The following NRG2 variants were observed in gnomAD, a reference collection of about 807,000 sequenced individuals.
The protein encoded by NRG2 is neuregulin 2.
In NRG2, 27 loss-of-function variants were observed where a neutral mutation model predicts 73.9. That is an observed-to-expected ratio of 0.37 (90% CI 0.27 to 0.50). The LOEUF is 0.50. NRG2 is among the 20% of genes least tolerant of loss of function. The probability of loss-of-function intolerance (pLI) is 0.96; values close to 1 mark genes in which losing one functional copy is unlikely to be tolerated. For missense variants in NRG2, 1,126 were observed against 1,210.1 expected (o/e 0.93, Z 1.03); for synonymous variants, 532 against 541.0 (o/e 0.98, Z 0.23).
intron 1 of NRG2, among the ~76,000 whole-genome samples, chr5:139,945,883 G>A (rs1211441001): frequency 2.0e-5 from 3 of 152,008 alleles, no homozygotes; most frequent in Non-Finnish European, 4.4e-5. Flanking sequence ...AAAGAGTAAT[G>A]TAACTAGGAA....
chr5:139,908,049 A>G (rs73791232), intron 1 of NRG2, among the ~76,000 whole-genome samples: 5,559 of 152,330 alleles, frequency 0.036, 361 homozygotes, highest in African/African-American at 0.13. Context: ...GCTAGGAGTA[A>G]CGAGTCTTCT....
chr5:139,867,834 G>GTGTC (rs1762585337), intron 4 of NRG2, among the ~76,000 whole-genome samples: 1 of 150,410 alleles, frequency 6.6e-6, no homozygotes, highest in Non-Finnish European at 1.5e-5. Context: ...GTGTGTGTGT[G>GTGTC]TGACAGAGAG....
At chr5:139,999,689 A>C (rs1283795643) in intron 1 of NRG2, among the ~76,000 whole-genome samples, 2 of 152,246 alleles carry the variant, frequency 1.3e-5, no homozygotes, top group Non-Finnish European at 2.9e-5. Context: ...CCCTCCTGGA[A>C]GAACAGTCTT....
Position 139,880,553 on chromosome 5 carries a change from C to T in NRG2, c.991+303G>A, listed in dbSNP as rs578210141. On this transcript the variant is annotated intron_variant, in intron 3 of 9. Coordinates refer to ENST00000361474, the MANE Select transcript of NRG2 (RefSeq NM_004883.3). ...AGCCCCACTCCTGGCAGCCCAGCCT[C>T]CTATAATTGCCTTCTAAAAATATCC... Among the ~76,000 whole-genome samples the T allele has an allele frequency of 9.2e-4, 140 of 152,330 alleles. 1 individual carries two copies. Among genetic ancestry groups the T allele is most frequent in the Admixed American group, 3.0e-3 (46 of 15,310 alleles).
At chr5:140,012,336 T>A (rs1349470564) in intron 1 of NRG2, among the ~76,000 whole-genome samples, 2 of 152,218 alleles carry the variant, frequency 1.3e-5, no homozygotes, top group Non-Finnish European at 2.9e-5. Context: ...GACTTGCTTA[T>A]CTTCTGGGCT....
intron 1 of NRG2, among the ~76,000 whole-genome samples, chr5:140,019,220 A>T (rs1455705434): frequency 3.3e-5 from 5 of 152,220 alleles, no homozygotes; most frequent in Non-Finnish European, 5.9e-5. Context: ...ATTGACCTGA[A>T]TCAGAAGCCA....
chr5:139,878,052 G>C (rs1244585771), intron 3 of NRG2, among the ~76,000 whole-genome samples: 1 of 152,226 alleles, frequency 6.6e-6, no homozygotes, highest in Non-Finnish European at 1.5e-5. Context: ...TGTGGGAGGG[G>C]ACTGCAGCTT....
At chr5:139,959,986 G>A (rs1191599696) in intron 1 of NRG2, among the ~76,000 whole-genome samples, 1 of 152,172 alleles carries the variant, frequency 6.6e-6, no homozygotes, top group Non-Finnish European at 1.5e-5. Context: ...CCTGGGTCCT[G>A]GGCTCTGATA....
intron 1 of NRG2, among the ~76,000 whole-genome samples, chr5:139,916,644 C>T (rs1044359093): frequency 2.6e-5 from 4 of 152,170 alleles, no homozygotes; most frequent in African/African-American, 7.2e-5. Flanking sequence ...TGGAATCATA[C>T]AATCTGTGGC....
intron 1 of NRG2, among the ~76,000 whole-genome samples, chr5:139,971,853 T>C (rs1755996131): frequency 6.6e-6 from 1 of 152,152 alleles, no homozygotes; most frequent in Non-Finnish European, 1.5e-5. Flanking sequence ...TTTAACAGCA[T>C]TCCAAACTAA....
intron 1 of NRG2, among the ~76,000 whole-genome samples, chr5:139,932,410 AT>A (rs572672788): frequency 0.016 from 2,284 of 146,526 alleles, 43 homozygotes; most frequent in African/African-American, 0.049. Flanking sequence ...TTATTAGTAG[AT>A]TTTTTTTTTT....
Position 140,043,159 on chromosome 5 carries a change from A to C in NRG2, c.-90T>G. The C allele has an allele frequency of 6.9e-7, 1 of 1,447,342 alleles. No individual in the cohort carries two copies. The highest frequency in any genetic ancestry group is 9.3e-7 in the Non-Finnish European group (1 of 1,081,058). 89.7% of individuals were successfully genotyped at this position (1,447,342 alleles called of 1,614,324 possible). On this transcript the variant is annotated 5_prime_UTR_variant, in exon 1 of 10. Coordinates refer to ENST00000361474, the MANE Select transcript of NRG2 (RefSeq NM_004883.3). The surrounding 1 kb of genome is among the most constrained non-coding windows in gnomAD (Gnocchi z 6.7). ...CCGCTGGAAAACCGGAAACAGCGTA[A>C]CGTTAGCGCCTCTTAGCCCTCCACC...
chr5:139,958,333 A>AAAAATGGCGAGCT (rs1754793116), intron 1 of NRG2, among the ~76,000 whole-genome samples: 1 of 152,170 alleles, frequency 6.6e-6, no homozygotes. Flanking sequence ...GCAAACAGGA[A>AAAAATGGCGAGCT]AAAATGGCGA....
Position 140,031,911 on chromosome 5 carries a change from A to G in NRG2, c.700+10459T>C, listed in dbSNP as rs559364425. ...CCTACCCAATACTTCAGCCAAGCAG[A>G]CATGGCAGAAAATGCCTCATTTCAA... On this transcript the variant is annotated intron_variant, in intron 1 of 9. Coordinates refer to ENST00000361474, the MANE Select transcript of NRG2 (RefSeq NM_004883.3). Among the ~76,000 whole-genome samples, 8 of 152,212 alleles carry G rather than the reference A, an allele frequency of 5.3e-5. No individual in the cohort carries two copies. The South Asian group carries it at 8.3e-4, about 16-fold the overall frequency.
In NRG2 at chr5:139,952,647, G is replaced by A. The variant is rs960706512; in HGVS notation, c.701-65136C>T. Among the ~76,000 whole-genome samples, 4 of 152,170 alleles carry A rather than the reference G, an allele frequency of 2.6e-5. No individual in the cohort carries two copies. The East Asian group carries it at 7.7e-4, about 29-fold the overall frequency. ...GCAGATGTGTCCCCACAGCCTGCTC[G>A]CCCTACCACGGTGGAGGAGGAATAA... On this transcript the variant is annotated intron_variant, in intron 1 of 9. Transcript: ENST00000361474.
chr5:140,038,377 G>A (rs1007954317), intron 1 of NRG2, among the ~76,000 whole-genome samples: 2 of 152,164 alleles, frequency 1.3e-5, no homozygotes, highest in African/African-American at 4.8e-5. Flanking sequence ...AAAAATAAGA[G>A]GGTCTTTTCC....
intron 1 of NRG2, among the ~76,000 whole-genome samples, chr5:139,985,689 C>T (rs1757120906): frequency 6.6e-6 from 1 of 152,178 alleles, no homozygotes; most frequent in South Asian, 2.1e-4. Context: ...CCATAGGTCC[C>T]AGGCTTCCCA....
intron 1 of NRG2, among the ~76,000 whole-genome samples, chr5:139,898,893 G>A (rs1394202310): frequency 6.6e-6 from 1 of 152,132 alleles, no homozygotes; most frequent in Admixed American, 6.5e-5. Context: ...CTCCTTAAGT[G>A]ACTTCTTCAA....
intron 1 of NRG2, among the ~76,000 whole-genome samples, chr5:140,037,421 T>C (rs1404646076): frequency 6.6e-6 from 1 of 152,190 alleles, no homozygotes; most frequent in African/African-American, 2.4e-5. Context: ...TCCAGAATTA[T>C]ATTTGTGAGG....
Sources: allele counts gnomAD v4.1 joint callset (sites outside exome capture counted in the v4.1 genomes callset), GRCh38; gene constraint gnomAD v4.1.1; non-coding constraint Gnocchi (gnomAD v3.1); transcripts MANE v1.5; gene names NCBI Gene and HGNC (gene_info 2026-07-23, HGNC 2026-07-21).